The following TENM2 variants were observed in gnomAD, a reference collection of about 807,000 sequenced individuals.
TENM2 encodes teneurin transmembrane protein 2, also known as teneurin-2.
TENM2 carries 52 observed loss-of-function variants against 245.2 expected under a neutral mutation model. The ratio of observed to expected loss-of-function variants is 0.21; its 90% CI spans 0.17 to 0.27. The LOEUF is 0.27. TENM2 is among the 10% of genes least tolerant of loss of function. The pLI, the probability that TENM2 is intolerant of heterozygous loss-of-function variation, is 1.00. For synonymous variants in TENM2, 1,363 were observed against 1,438.9 expected (o/e 0.95, Z 1.19); for missense variants, 3,046 against 3,666.8 (o/e 0.83, Z 4.37).
the TENM2 span, among the ~76,000 whole-genome samples, chr5:167,027,873 G>T: frequency 6.6e-6 from 1 of 152,004 alleles, no homozygotes; most frequent in Non-Finnish European, 1.5e-5. Flanking sequence ...GAGGTCAGGA[G>T]TTGAAGACCA....
chr5:167,456,733 A>G (rs1460167520), intron 2 of TENM2, among the ~76,000 whole-genome samples: 1 of 152,254 alleles, frequency 6.6e-6, no homozygotes, highest in African/African-American at 2.4e-5. Context: ...TATAAAAAGC[A>G]TCAAATTTTA....
the TENM2 span, among the ~76,000 whole-genome samples, chr5:167,085,838 A>G: frequency 6.6e-6 from 1 of 152,216 alleles, no homozygotes; most frequent in Admixed American, 6.5e-5. Flanking sequence ...AAGATTGGAC[A>G]TGCCTACAGG....
At chr5:168,178,245 C>T (rs1747325901) in intron 13 of TENM2, among the ~76,000 whole-genome samples, 1 of 152,232 alleles carries the variant, frequency 6.6e-6, no homozygotes, top group East Asian at 1.9e-4. Context: ...CCACCCCCTG[C>T]CGGGCCTCGG....
chr5:167,698,973 T>C (rs533675465), intron 2 of TENM2, among the ~76,000 whole-genome samples: 3 of 152,222 alleles, frequency 2.0e-5, no homozygotes, highest in South Asian at 4.1e-4. Context: ...TGAGCCACCC[T>C]GCCCGGCCCC....
chr5:167,639,111 C>G (rs1374950077), intron 2 of TENM2, among the ~76,000 whole-genome samples: 2 of 152,178 alleles, frequency 1.3e-5, no homozygotes, highest in African/African-American at 4.8e-5. Context: ...TAAGCACACT[C>G]TAATGAGTTT....
the TENM2 span, among the ~76,000 whole-genome samples, chr5:167,121,089 G>A: frequency 6.6e-6 from 1 of 152,072 alleles, no homozygotes; most frequent in African/African-American, 2.4e-5. Context: ...TTCAAGAAAT[G>A]TTTGCCTAGG....
rs763377758 is a variant in TENM2, at chr5:168,090,764, T to C, written c.1706T>C (p.Val569Ala). The change falls in exon 8 of 29, where the codon GTC becomes GCC. Residue 569 changes from valine (V) to alanine (A), a missense_variant. Around this residue, in one of 2 missense-constraint regions of TENM2, gnomAD observed 2,704 missense variants for 3,331.9 expected, o/e 0.81. Coordinates refer to ENST00000518659, the Ensembl canonical transcript of TENM2. The stretch of plus-strand genomic sequence containing the variant: ...GAGATGGTTTCCTTCAATACTGTTG[T>C]CCTAGGTAGGTGTGGGGTCTCTGAG... 23 of 1,613,364 alleles carry C rather than the reference T, an allele frequency of 1.4e-5. No individual in the cohort carries two copies. Among genetic ancestry groups the C allele is most frequent in the East Asian group, 4.5e-5 (2 of 44,888 alleles).
At chr5:167,449,509 C>A (rs1252827821) in intron 2 of TENM2, among the ~76,000 whole-genome samples, 1 of 143,964 alleles carries the variant, frequency 6.9e-6, no homozygotes, top group Non-Finnish European at 1.5e-5. Flanking sequence ...TAAAGATATG[C>A]AGATAGATAG....
At chr5:168,129,606 A>G (rs1754385747) in intron 12 of TENM2, 1 of 152,234 alleles carries the variant, frequency 6.6e-6, no homozygotes, top group African/African-American at 2.4e-5. Context: ...AAAGCCAAGC[A>G]TACCTTGATC....
chr5:167,291,476 C>T, intron 1 of TENM2, among the ~76,000 whole-genome samples: 1 of 152,208 alleles, frequency 6.6e-6, no homozygotes, highest in East Asian at 1.9e-4. Flanking sequence ...CTGCTGATTA[C>T]CCCCACTCTC....
chr5:168,081,150 TC>T (rs1327007364), intron 7 of TENM2, among the ~76,000 whole-genome samples: 2 of 152,346 alleles, frequency 1.3e-5, no homozygotes, highest in Non-Finnish European at 2.9e-5. Flanking sequence ...GATAGTTAGC[TC>T]TTCTTGTTGA....
At chr5:167,380,611 A>C (rs958072499) in intron 2 of TENM2, among the ~76,000 whole-genome samples, 1 of 152,136 alleles carries the variant, frequency 6.6e-6, no homozygotes, top group African/African-American at 2.4e-5. Flanking sequence ...GAATGGCTCC[A>C]TTCAATAAAT....
chr5:167,542,388 G>A (rs1466329484), intron 2 of TENM2, among the ~76,000 whole-genome samples: 1 of 152,026 alleles, frequency 6.6e-6, no homozygotes, highest in Non-Finnish European at 1.5e-5. Context: ...GTCTTTCCTT[G>A]GCATGTATGT....
At chr5:167,446,101 T>G (rs1765191194) in intron 2 of TENM2, among the ~76,000 whole-genome samples, 1 of 152,140 alleles carries the variant, frequency 6.6e-6, no homozygotes, top group African/African-American at 2.4e-5. Flanking sequence ...GGTAATCACT[T>G]GTTGGCAAAT....
intron 2 of TENM2, among the ~76,000 whole-genome samples, chr5:167,419,377 G>A (rs1763357818): frequency 6.6e-6 from 1 of 152,136 alleles, no homozygotes; most frequent in Non-Finnish European, 1.5e-5. Flanking sequence ...CAGGAGAATG[G>A]CTGAGCCTGG....
chr5:167,371,222 T>C (rs1006526414), intron 1 of TENM2, among the ~76,000 whole-genome samples: 13 of 151,816 alleles, frequency 8.6e-5, no homozygotes, highest in African/African-American at 3.1e-4. Flanking sequence ...CACCCCAAAC[T>C]AGATGAACAG....
At position 168,244,757 on chromosome 5, in the gene TENM2, A is replaced by C; in HGVS notation, c.5817+41A>C. The C allele has an allele frequency of 7.3e-7, 1 of 1,364,366 alleles. No individual in the cohort carries two copies. The highest frequency in any genetic ancestry group is 9.6e-7 in the Non-Finnish European group (1 of 1,045,016). 84.5% of individuals were successfully genotyped at this position (1,364,366 alleles called of 1,614,324 possible). On this transcript the variant is annotated intron_variant, in intron 26 of 28. Coordinates refer to ENST00000518659, the Ensembl canonical transcript of TENM2. This position sits in a 1 kb window ranked among gnomAD's most constrained non-coding sequence, Gnocchi z 4.9. ...GCCCTGACAGCAAGGGCTTTCTGTT[A>C]TTTCTGTTATTCCGGCTTCTTTTTT...
intron 2 of TENM2, among the ~76,000 whole-genome samples, chr5:167,795,749 A>C (rs1236909312): frequency 6.6e-6 from 1 of 152,236 alleles, no homozygotes; most frequent in Non-Finnish European, 1.5e-5. Context: ...TAAGGCAAAC[A>C]GTAGCCACAC....
intron 2 of TENM2, among the ~76,000 whole-genome samples, chr5:167,610,929 G>A (rs11134465): frequency 0.52 from 79,342 of 152,012 alleles, 23,991 homozygotes; most frequent in Middle Eastern, 0.7. Flanking sequence ...GCATTCATTC[G>A]TCAAATTTTA....
Sources: gnomAD v4.1 joint callset for allele counts (sites outside exome capture counted in the v4.1 genomes callset) on GRCh38, gnomAD v4.1.1 for gene constraint, gnomAD v4.1.1 regional missense constraint, Gnocchi (gnomAD v3.1) non-coding constraint, MANE v1.5 for transcripts, NCBI Gene and HGNC (gene_info 2026-07-23, HGNC 2026-07-21) for gene names.